FAM107B: variants seen among roughly 807,000 people sequenced by gnomAD.
The protein encoded by FAM107B is protein FAM107B.
In FAM107B, 21 loss-of-function variants were observed where a neutral mutation model predicts 31.5. The ratio of observed to expected loss-of-function variants is 0.67; its 90% CI spans 0.47 to 0.96. The LOEUF (loss-of-function observed/expected upper bound fraction) is 0.96, where lower values mean the gene tolerates loss of function less well. FAM107B is among the 40% of genes least tolerant of loss of function. The probability of loss-of-function intolerance (pLI) is 0.00; values close to 1 mark genes in which losing one functional copy is unlikely to be tolerated. For synonymous variants in FAM107B, 157 were observed against 141.5 expected, an observed-to-expected ratio of 1.11 and a Z score of -0.78; for missense variants, 452 against 377.1, an observed-to-expected ratio of 1.20 and a Z score of -1.64.
chr10:14,643,374 A>G (rs944390999), intron 2 of FAM107B, among the ~76,000 whole-genome samples: 1 of 151,396 alleles, frequency 6.6e-6, no homozygotes, highest in Non-Finnish European at 1.5e-5. Context: ...TGCTTTACTC[A>G]GGTCTTCAAA....
chr10:14,570,233 G>GTGTGTGT (rs1851083422), intron 2 of FAM107B, among the ~76,000 whole-genome samples: 1 of 140,340 alleles, frequency 7.1e-6, no homozygotes, highest in African/African-American at 2.7e-5. Flanking sequence ...AAATGTGGTG[G>GTGTGTGT]GTGTGTGTGT....
At chr10:14,573,484 T>C (rs767449779) in intron 2 of FAM107B, among the ~76,000 whole-genome samples, 1 of 149,912 alleles carries the variant, frequency 6.7e-6, no homozygotes, top group East Asian at 2.0e-4. Context: ...CCCAGCACTT[T>C]GGGAGGCCAA....
chr10:14,561,609 G>A (rs963319040), intron 2 of FAM107B, among the ~76,000 whole-genome samples: 6 of 152,174 alleles, frequency 3.9e-5, no homozygotes, highest in Non-Finnish European at 8.8e-5. Flanking sequence ...GGGCAAGGGC[G>A]AGAGGCCCCG....
At chr10:14,613,995 T>C (rs577764706) in intron 2 of FAM107B, among the ~76,000 whole-genome samples, 2 of 152,042 alleles carry the variant, frequency 1.3e-5, no homozygotes, top group Admixed American at 1.3e-4. Flanking sequence ...GTCAGGAGTG[T>C]TGGCGGGCGC....
At chr10:14,773,191 A>T (rs1452709104) in intron 1 of FAM107B, among the ~76,000 whole-genome samples, 1 of 152,208 alleles carries the variant, frequency 6.6e-6, no homozygotes, top group Non-Finnish European at 1.5e-5. Flanking sequence ...CAGACGACAG[A>T]CCCAAGCTTC....
intron 2 of FAM107B, among the ~76,000 whole-genome samples, chr10:14,558,275 GCACGCACACACACACATACACGCACA>G (rs796517809): frequency 0.011 from 1,618 of 152,006 alleles, 29 homozygotes; most frequent in African/African-American, 0.037. Context: ...ACACATACGT[GCACGCACACACACACATACACGCACA>G]CACGCACACA....
chr10:14,528,066 T>C (rs886774674), intron 3 of FAM107B: 1 of 379,012 alleles, frequency 2.6e-6, no homozygotes, highest in Non-Finnish European at 5.1e-6. Flanking sequence ...GAAAAAGCAA[T>C]AGGAAATTCC....
chr10:14,559,099 CAAAAAAAAAAAAAAAAAACAA>C (rs1355290974), intron 2 of FAM107B, among the ~76,000 whole-genome samples: 1 of 88,200 alleles, frequency 1.1e-5, no homozygotes, highest in Non-Finnish European at 2.2e-5. Context: ...TGTGGAACTT[CAAAAAAAAAAAAAAAAAACAA>C]AAAAAAAACA....
chr10:14,584,987 C>G (rs1039245298), intron 2 of FAM107B, among the ~76,000 whole-genome samples: 1 of 152,172 alleles, frequency 6.6e-6, no homozygotes. Flanking sequence ...GCTTCAGCCT[C>G]TGATTGCTCC....
At chr10:14,581,168 A>T (rs1851623175) in intron 2 of FAM107B, among the ~76,000 whole-genome samples, 1 of 152,226 alleles carries the variant, frequency 6.6e-6, no homozygotes, top group Non-Finnish European at 1.5e-5. Flanking sequence ...GCTCGGAAGA[A>T]AAATAACAAG....
At chr10:14,631,913 G>T (rs1443889781) in intron 2 of FAM107B, among the ~76,000 whole-genome samples, 1 of 152,120 alleles carries the variant, frequency 6.6e-6, no homozygotes, top group African/African-American at 2.4e-5. Flanking sequence ...GCTTTTATAA[G>T]GTAGGTTGCC....
chr10:14,602,879 T>G (rs563034375), intron 2 of FAM107B: 11 of 152,210 alleles, frequency 7.2e-5, no homozygotes, highest in Non-Finnish European at 1.5e-4. Context: ...CAAAACAACT[T>G]GTCCGTATTA....
At chr10:14,660,863 C>A (rs74122876) in intron 2 of FAM107B, among the ~76,000 whole-genome samples, 1 of 152,070 alleles carries the variant, frequency 6.6e-6, no homozygotes, top group South Asian at 2.1e-4. Context: ...GAGATGCTAC[C>A]CAGGTCATGA....
intron 1 of FAM107B, among the ~76,000 whole-genome samples, chr10:14,763,453 G>A (rs116978953): frequency 3.9e-5 from 6 of 152,250 alleles, no homozygotes; most frequent in Non-Finnish European, 8.8e-5. Flanking sequence ...TAGCCCCCAC[G>A]TGCCTCTAAT....
intron 2 of FAM107B, among the ~76,000 whole-genome samples, chr10:14,628,414 G>A (rs558928139): frequency 1.3e-5 from 2 of 152,116 alleles, no homozygotes; most frequent in Admixed American, 1.3e-4. Context: ...CACTGCACCC[G>A]GCCCATAGCT....
chr10:14,548,538 G>A lies in FAM107B; in HGVS notation c.470-18023C>T, dbSNP rs889542320. 4 of 985,354 alleles carry A rather than the reference G, an allele frequency of 4.1e-6. No individual in the cohort carries two copies. The East Asian group carries it at 3.4e-4, about 84-fold the overall frequency. 61.0% of individuals were successfully genotyped at this position (985,354 alleles called of 1,614,324 possible). On this transcript the variant is annotated intron_variant, in intron 2 of 4. Coordinates refer to ENST00000181796, the MANE Select transcript of FAM107B (RefSeq NM_031453.4). Reference sequence around the variant, plus strand: ...CTTCATCGCTTGGAGGTGGCAGGAGGAACCTGGGCTCTTCTCCTAGCCCTG... The same window carrying A: ...CTTCATCGCTTGGAGGTGGCAGGAGAAACCTGGGCTCTTCTCCTAGCCCTG...
At chr10:14,648,503 C>G (rs925650036) in intron 2 of FAM107B, among the ~76,000 whole-genome samples, 1 of 152,226 alleles carries the variant, frequency 6.6e-6, no homozygotes, top group African/African-American at 2.4e-5. Context: ...AGAAACAGCT[C>G]TCAAAGCTCA....
chr10:14,558,279 G>GCA (rs370814958), intron 2 of FAM107B, among the ~76,000 whole-genome samples: 25 of 148,440 alleles, frequency 1.7e-4, no homozygotes, highest in African/African-American at 6.0e-4. Flanking sequence ...ATACGTGCAC[G>GCA]CACACACACA....
chr10:14,744,644 A>T (rs546340683), intron 1 of FAM107B, among the ~76,000 whole-genome samples: 1 of 152,272 alleles, frequency 6.6e-6, no homozygotes, highest in African/African-American at 2.4e-5. Context: ...GTGATGAATT[A>T]CATTTATTGA....
Sources: allele counts gnomAD v4.1 joint callset (sites outside exome capture counted in the v4.1 genomes callset), GRCh38; gene constraint gnomAD v4.1.1; transcripts MANE v1.5; gene names NCBI Gene and HGNC (gene_info 2026-07-23, HGNC 2026-07-21).